The following MARK1 variants were observed in gnomAD, a reference collection of about 807,000 sequenced individuals.
The protein encoded by MARK1 is serine/threonine-protein kinase MARK1.
Under a neutral mutation model 96.3 loss-of-function variants are expected in MARK1, and 40 were observed. The observed-to-expected ratio is 0.42, with a 90% CI of 0.32 to 0.54. The LOEUF (loss-of-function observed/expected upper bound fraction) is 0.54, where lower values mean the gene tolerates loss of function less well. Among genes scored for constraint, MARK1 ranks in the 20% least tolerant of loss-of-function variants. The pLI is 0.16. For missense variants in MARK1, 719 were observed against 984.6 expected, an observed-to-expected ratio of 0.73 and a Z score of 3.61; for synonymous variants, 317 against 341.2, an observed-to-expected ratio of 0.93 and a Z score of 0.78.
At chr1:220,558,650 T>C (rs1335222339) in intron 1 of MARK1, among the ~76,000 whole-genome samples, 1 of 151,984 alleles carries the variant, frequency 6.6e-6, no homozygotes, top group East Asian at 1.9e-4. Flanking sequence ...AGGAGATATA[T>C]TACTGTAACT....
chr1:220,564,154 T>C (rs1323785190), intron 1 of MARK1, among the ~76,000 whole-genome samples: 2 of 152,210 alleles, frequency 1.3e-5, no homozygotes, highest in African/African-American at 4.8e-5. Flanking sequence ...CTCTGAGTTC[T>C]CTGTGATCTT....
At chr1:220,558,273 T>C (rs1001876596) in intron 1 of MARK1, among the ~76,000 whole-genome samples, 1 of 151,348 alleles carries the variant, frequency 6.6e-6, no homozygotes, top group African/African-American at 2.4e-5. Flanking sequence ...TTATGCATTA[T>C]GCATTTAAAA....
At chr1:220,661,338 C>T (rs1296685857) in intron 17 of MARK1, among the ~76,000 whole-genome samples, 4 of 152,160 alleles carry the variant, frequency 2.6e-5, no homozygotes, top group Admixed American at 6.5e-5. Context: ...TGCAGTACAA[C>T]ATTCTTTCTC....
intron 1 of MARK1, among the ~76,000 whole-genome samples, chr1:220,540,431 A>G (rs892649416): frequency 6.6e-6 from 1 of 152,210 alleles, no homozygotes; most frequent in Non-Finnish European, 1.5e-5. Flanking sequence ...ATGAAGGTAT[A>G]TGCTTTGTTC....
intron 1 of MARK1, among the ~76,000 whole-genome samples, chr1:220,560,428 A>G (rs910956938): frequency 3.3e-5 from 5 of 152,136 alleles, no homozygotes; most frequent in Admixed American, 3.3e-4. Context: ...TTTTTTCCTT[A>G]ATGTTGAGAA....
At position 220,580,995 on chromosome 1, in the gene MARK1, G is replaced by A. The variant is rs1664201873; in HGVS notation, c.256-70G>A. 3 of 592,126 alleles carry A rather than the reference G, an allele frequency of 5.1e-6. No homozygotes were observed. In the African/African-American group the frequency reaches 5.6e-5, roughly 11 times the overall value. The allele number at this position is 592,126 out of a possible 1,614,324, so 36.7% of individuals were successfully genotyped here. Reference sequence around the variant, plus strand: ...CTAGTTAGGAATGAAACAGAAATTGGATTTTTTGAAAGTTTTATTCATTAA... The same window carrying A: ...CTAGTTAGGAATGAAACAGAAATTGAATTTTTTGAAAGTTTTATTCATTAA... On this transcript the variant is annotated intron_variant, in intron 2 of 17. Transcript: ENST00000366917.
At chr1:220,586,011 A>ACACACACACGCACGCG (rs112968910) in intron 3 of MARK1, among the ~76,000 whole-genome samples, 6,002 of 148,608 alleles carry the variant, frequency 0.04, 211 homozygotes, top group Middle Eastern at 0.15. Flanking sequence ...ACACACACAC[A>ACACACACACGCACGCG]CGCGCGCGTG....
At chr1:220,541,114 G>A (rs2102711930) in intron 1 of MARK1, among the ~76,000 whole-genome samples, 1 of 152,152 alleles carries the variant, frequency 6.6e-6, no homozygotes, top group South Asian at 2.1e-4. Flanking sequence ...TGTATTTTTA[G>A]AAGAGACGGG....
chr1:220,647,161 A>G (rs1029448240), intron 13 of MARK1, among the ~76,000 whole-genome samples: 15 of 152,214 alleles, frequency 9.9e-5, no homozygotes, highest in Non-Finnish European at 1.5e-4. Context: ...TCCATCTGAC[A>G]AAGGTCTAAC....
chr1:220,537,195 T>G lies in MARK1; in HGVS notation c.51+8322T>G, dbSNP rs1477777217. Among the ~76,000 whole-genome samples, 5 of 149,186 alleles carry G rather than the reference T, an allele frequency of 3.4e-5. 1 individual carries two copies. Among genetic ancestry groups the G allele is most frequent in the South Asian group, 4.4e-4 (2 of 4,596 alleles). ...GCTGGTGTGCTGCACCCATTAACTC[T>G]TCATTTAGCATTAGGTATATCTCCT... On this transcript the variant is annotated intron_variant, in intron 1 of 17. Transcript: ENST00000366917.
At position 220,635,819 on chromosome 1, in the gene MARK1, T is replaced by A. The variant is rs772066662; in HGVS notation, c.1277-14T>A. On this transcript the variant is annotated splice_polypyrimidine_tract_variant and intron_variant, in intron 12 of 17. Transcript: ENST00000366917. ...GTTTTTCAGCTCATTATGCTATTTT[T>A]AAAAAAATTATAGCTGGTCCATCCA... 4 of 1,551,244 alleles carry A rather than the reference T, an allele frequency of 2.6e-6. No individual in the cohort carries two copies. Among genetic ancestry groups the A allele is most frequent in the Non-Finnish European group, 2.6e-6 (3 of 1,153,664 alleles).
At chr1:220,564,034 G>T (rs755872303) in intron 1 of MARK1, among the ~76,000 whole-genome samples, 1 of 152,114 alleles carries the variant, frequency 6.6e-6, no homozygotes, top group Non-Finnish European at 1.5e-5. Flanking sequence ...GAGAAGAGTT[G>T]CCAGGTTAAA....
chr1:220,574,419 T>C (rs1258812005), intron 1 of MARK1, among the ~76,000 whole-genome samples: 1 of 152,226 alleles, frequency 6.6e-6, no homozygotes, highest in Non-Finnish European at 1.5e-5. Context: ...ACTTCATTTT[T>C]CCCAAGGTTT....
intron 1 of MARK1, among the ~76,000 whole-genome samples, chr1:220,565,065 C>T (rs1157824580): frequency 6.6e-6 from 1 of 152,084 alleles, no homozygotes; most frequent in Non-Finnish European, 1.5e-5. Context: ...TGTAAAATCC[C>T]AAATGTGTAT....
At chr1:220,576,544 A>G (rs547122732) in intron 1 of MARK1, 1 of 152,198 alleles carries the variant, frequency 6.6e-6, no homozygotes, top group Non-Finnish European at 1.5e-5. Flanking sequence ...TTAATAATAC[A>G]GTCCATCAAA....
At chr1:220,556,498 A>C (rs959815994) in intron 1 of MARK1, among the ~76,000 whole-genome samples, 2 of 148,024 alleles carry the variant, frequency 1.4e-5, no homozygotes, top group African/African-American at 4.9e-5. Context: ...AAAAAAAAAA[A>C]AAAAAAAACA....
intron 3 of MARK1, among the ~76,000 whole-genome samples, chr1:220,586,014 C>CGCGT (rs202103059): frequency 7.1e-6 from 1 of 140,244 alleles, no homozygotes; most frequent in Non-Finnish European, 1.5e-5. Flanking sequence ...CACACACACG[C>CGCGT]GCGCGTGCGC....
rs1431927141 is a variant in MARK1, at chr1:220,652,235, A to C, written c.1736+85A>C. Reference sequence around the variant, plus strand: ...GTGAAAATACATGATAGTCACCATCACATTAAGACCTTTCTAATAAGATTC... The same window carrying C: ...GTGAAAATACATGATAGTCACCATCCCATTAAGACCTTTCTAATAAGATTC... On this transcript the variant is annotated intron_variant, in intron 15 of 17. Transcript: ENST00000366917. The C allele has an allele frequency of 3.8e-6, 4 of 1,055,718 alleles. No individual in the cohort carries two copies. The African/African-American group carries it at 6.3e-5, about 17-fold the overall frequency. 65.4% of individuals were successfully genotyped at this position (1,055,718 alleles called of 1,614,324 possible). A position where few individuals can be genotyped will look rare whatever the true frequency, so the allele number is the denominator to read the frequency against.
chr1:220,586,011 A>ACACACGCACGCACGCG lies in MARK1; in HGVS notation c.309+4894_309+4895insACACGCACGCACGCGC, dbSNP rs112968910. Among the ~76,000 whole-genome samples, 125 of 148,636 alleles carry ACACACGCACGCACGCG rather than the reference A, an allele frequency of 8.4e-4. 2 individuals carry two copies. The highest frequency in any genetic ancestry group is 1.6e-3 in the African/African-American group (64 of 39,038). On this transcript the variant is annotated intron_variant, in intron 3 of 17. Transcript: ENST00000366917. ...CACACACACACACACACACACACAC[A>ACACACGCACGCACGCG]CGCGCGCGTGCGCAGAGAGAGAGAG...
Sources: gnomAD v4.1 joint callset for allele counts (sites outside exome capture counted in the v4.1 genomes callset) on GRCh38, gnomAD v4.1.1 for gene constraint, MANE v1.5 for transcripts, NCBI Gene and HGNC (gene_info 2026-07-23, HGNC 2026-07-21) for gene names.